MSH4: variants seen among roughly 807,000 people sequenced by gnomAD.
MSH4 encodes the protein mutS protein homolog 4.
MSH4 carries 106 observed loss-of-function variants against 113.7 expected under a neutral mutation model. The ratio of observed to expected loss-of-function variants is 0.93; its 90% confidence interval spans 0.80 to 1.10. The LOEUF (loss-of-function observed/expected upper bound fraction) is 1.10, where lower values mean the gene tolerates loss of function less well. MSH4 is among the 50% of genes least tolerant of loss of function. The pLI is 0.00. For synonymous variants in MSH4, 368 were observed against 380.2 expected (o/e 0.97, Z 0.37); for missense variants, 1,061 against 1,093.7 (o/e 0.97, Z 0.42).
At chr1:75,849,218 C>T (rs1436153942) in intron 8 of MSH4, among the ~76,000 whole-genome samples, 1 of 152,122 alleles carries the variant, frequency 6.6e-6, no homozygotes, top group Non-Finnish European at 1.5e-5. Context: ...AGGTGTGAGC[C>T]ACCATGCTTG....
chr1:75,880,378 C>T (rs898120713), intron 13 of MSH4, among the ~76,000 whole-genome samples: 5 of 152,064 alleles, frequency 3.3e-5, no homozygotes, highest in Admixed American at 1.3e-4. Context: ...CTGTAATGTG[C>T]ATTCTACCAT....
chr1:75,892,377 A>ACACT (rs779090013), intron 17 of MSH4, among the ~76,000 whole-genome samples: 16 of 148,446 alleles, frequency 1.1e-4, no homozygotes, highest in African/African-American at 3.9e-4. Context: ...ACACATACAC[A>ACACT]CTCTCTCTCT....
intron 19 of MSH4, among the ~76,000 whole-genome samples, chr1:75,907,264 T>G (rs1247426465): frequency 6.6e-6 from 1 of 152,080 alleles, no homozygotes; most frequent in Non-Finnish European, 1.5e-5. Flanking sequence ...TGAAGGAAAG[T>G]TTTGCTAGGT....
intron 8 of MSH4, among the ~76,000 whole-genome samples, chr1:75,856,571 A>G (rs1048916528): frequency 6.6e-6 from 1 of 152,154 alleles, no homozygotes; most frequent in Admixed American, 6.5e-5. Flanking sequence ...GTTTGCTGAG[A>G]ATAATGGTTT....
chr1:75,821,309 G>T lies in MSH4; in HGVS notation c.990-1100G>T, dbSNP rs1436212148. 2.0e-5 allele frequency among the ~76,000 whole-genome samples: 3 copies of T among 151,972 alleles called. No individual in the cohort carries two copies. In the East Asian group the frequency reaches 5.8e-4, roughly 29 times the overall value. On this transcript the variant is annotated intron_variant, in intron 6 of 19. Transcript: ENST00000263187. ...ACAACCTGCTCCTGAATGACTACTGGGTACATAACGAAATGAAGGCAGAAA... is the reference window on the plus strand; with the variant it reads ...ACAACCTGCTCCTGAATGACTACTGTGTACATAACGAAATGAAGGCAGAAA...
chr1:75,884,232 T>C (rs897407555), intron 15 of MSH4, among the ~76,000 whole-genome samples: 3 of 152,150 alleles, frequency 2.0e-5, no homozygotes, highest in African/African-American at 7.2e-5. Context: ...AAATATAATA[T>C]TGAGCAGAGA....
chr1:75,885,045 G>GTA (rs1286506735), intron 15 of MSH4, among the ~76,000 whole-genome samples: 4 of 107,784 alleles, frequency 3.7e-5, no homozygotes, highest in South Asian at 2.5e-4. Context: ...GTGTGTGTGT[G>GTA]TGTGTGTGTG....
At chr1:75,885,212 T>C (rs1011933648) in intron 15 of MSH4, among the ~76,000 whole-genome samples, 4 of 144,780 alleles carry the variant, frequency 2.8e-5, no homozygotes, top group South Asian at 2.1e-4. Context: ...GGTATATATA[T>C]ACCTTCTATA....
Position 75,878,280 on chromosome 1 carries a change from CAAG to C in MSH4, c.1508_1510del (p.Arg503del), listed in dbSNP as rs1570983317. On this transcript the variant is annotated inframe_deletion, in exon 11 of 20. Transcript: ENST00000263187. ...AACATAAATGAATTTCTTGACATAG[CAAG>C]AAGAACATACACAGAGATTGTAGAT... 6.2e-7 allele frequency: 1 copy of C among 1,602,688 alleles called. No individual in the cohort carries two copies. The highest frequency in any genetic ancestry group is 1.1e-5 in the South Asian group (1 of 87,756).
chr1:75,889,492 A>C (rs1364979158), intron 16 of MSH4, 123 bp downstream of exon 16: 1 of 466,656 alleles, frequency 2.1e-6, no homozygotes, highest in Non-Finnish European at 3.9e-6. Context: ...TCTAAGAGCC[A>C]GAGGGCAGTC....
intron 10 of MSH4, 33 bp from the exon 11 acceptor site, chr1:75,878,116 C>T: frequency 7.1e-7 from 1 of 1,414,736 alleles, no homozygotes; most frequent in Non-Finnish European, 9.6e-7. Context: ...TGACTTATTG[C>T]CTATAATGTT....
intron 7 of MSH4, among the ~76,000 whole-genome samples, chr1:75,829,530 T>C (rs1650636018): frequency 2.0e-5 from 3 of 152,124 alleles, no homozygotes; most frequent in Non-Finnish European, 1.5e-5. Context: ...CTGGGAGGCA[T>C]CTCCCAGTAG....
chr1:75,869,633 C>A (rs984505467), intron 9 of MSH4, among the ~76,000 whole-genome samples: 2 of 152,176 alleles, frequency 1.3e-5, no homozygotes. Flanking sequence ...ACAGCTCGGG[C>A]CATGGCTTCA....
intron 19 of MSH4, among the ~76,000 whole-genome samples, chr1:75,908,587 G>A (rs185978545): frequency 2.7e-4 from 41 of 152,306 alleles, no homozygotes; most frequent in Admixed American, 6.5e-4. Context: ...TCACCACGAT[G>A]TTGATCACCA....
chr1:75,803,460 T>C (rs561782323), intron 1 of MSH4, among the ~76,000 whole-genome samples: 5 of 151,856 alleles, frequency 3.3e-5, no homozygotes, highest in African/African-American at 1.2e-4. Flanking sequence ...CTACTAAAAA[T>C]ACAAAAATTC....
intron 19 of MSH4, among the ~76,000 whole-genome samples, chr1:75,900,789 G>C (rs1392258054): frequency 6.6e-6 from 1 of 151,836 alleles, no homozygotes. Flanking sequence ...TTATCTATTT[G>C]AATCTCTTAG....
chr1:75,865,830 T>C (rs1651550971), intron 8 of MSH4, among the ~76,000 whole-genome samples: 1 of 152,242 alleles, frequency 6.6e-6, no homozygotes, highest in Non-Finnish European at 1.5e-5. Flanking sequence ...TTACCTTTTA[T>C]ACTTAGATAT....
intron 6 of MSH4, among the ~76,000 whole-genome samples, chr1:75,817,832 C>A (rs890778930): frequency 2.0e-5 from 3 of 152,028 alleles, no homozygotes; most frequent in African/African-American, 4.8e-5. Flanking sequence ...AGACACCCCC[C>A]CTCCCCCTAG....
At chr1:75,819,061 C>T (rs188325402) in intron 6 of MSH4, among the ~76,000 whole-genome samples, 26 of 152,090 alleles carry the variant, frequency 1.7e-4, no homozygotes, top group Non-Finnish European at 2.2e-4. Flanking sequence ...CCACCGTGCC[C>T]GGCCTGTTTT....
Sources: gnomAD v4.1 joint callset for allele counts (sites outside exome capture counted in the v4.1 genomes callset) on GRCh38, gnomAD v4.1.1 for gene constraint, MANE v1.5 for transcripts, NCBI Gene and HGNC (gene_info 2026-07-23, HGNC 2026-07-21) for gene names.